Variants in SPAG16 observed in about 807,000 individuals in gnomAD.
SPAG16 encodes sperm associated antigen 16.
In SPAG16, 86 loss-of-function variants were observed where a neutral mutation model predicts 80.4. The ratio of observed to expected loss-of-function variants is 1.07; its 90% confidence interval spans 0.90 to 1.28. SPAG16 has a LOEUF of 1.28. Among genes scored for constraint, SPAG16 ranks in the 50% most tolerant of loss-of-function variants. The probability of loss-of-function intolerance (pLI) is 0.00; values close to 1 mark genes in which losing one functional copy is unlikely to be tolerated. For missense variants in SPAG16, 870 were observed against 765.3 expected (o/e 1.14, Z -1.61); for synonymous variants, 294 against 265.9 (o/e 1.11, Z -1.03).
intron 9 of SPAG16, among the ~76,000 whole-genome samples, chr2:213,407,727 AGAGAGAGAGACAG>A (rs953217049): frequency 1.0e-5 from 1 of 96,162 alleles, no homozygotes; most frequent in Non-Finnish European, 3.0e-5. Flanking sequence ...GAGAGACAGG[AGAGAGAGAGACAG>A]GAGAGAGGCA....
At chr2:213,669,634 C>T (rs1349177868) in intron 10 of SPAG16, among the ~76,000 whole-genome samples, 3 of 151,998 alleles carry the variant, frequency 2.0e-5, no homozygotes, top group African/African-American at 7.2e-5. Context: ...TAAAATAGGA[C>T]AGTATGAATT....
chr2:213,429,776 A>G (rs1487746072), intron 9 of SPAG16, among the ~76,000 whole-genome samples: 3 of 152,222 alleles, frequency 2.0e-5, no homozygotes, highest in Non-Finnish European at 4.4e-5. Context: ...ACACACCTAG[A>G]AGCAAAGCCA....
At chr2:214,371,476 G>A (rs1699808978) in intron 15 of SPAG16, among the ~76,000 whole-genome samples, 2 of 144,086 alleles carry the variant, frequency 1.4e-5, no homozygotes, top group Admixed American at 1.4e-4. Context: ...AGGTTGAGGT[G>A]AGCCAAGATT....
At chr2:213,720,577 G>C (rs1254295574) in intron 10 of SPAG16, among the ~76,000 whole-genome samples, 1 of 151,122 alleles carries the variant, frequency 6.6e-6, no homozygotes, top group Non-Finnish European at 1.5e-5. Context: ...GGCGGAGCTT[G>C]CAGTGAGTGG....
chr2:213,627,544 T>C (rs2062002434), intron 10 of SPAG16, among the ~76,000 whole-genome samples: 1 of 152,158 alleles, frequency 6.6e-6, no homozygotes, highest in African/African-American at 2.4e-5. Flanking sequence ...TTCAAAGCAG[T>C]TTTAGTCCTA....
intron 12 of SPAG16, among the ~76,000 whole-genome samples, chr2:213,931,980 T>G (rs2078767423): frequency 6.6e-6 from 1 of 151,790 alleles, no homozygotes. Flanking sequence ...TTATAATTAC[T>G]CTCAGATCAA....
chr2:213,521,588 A>G (rs2075672196), intron 10 of SPAG16, among the ~76,000 whole-genome samples: 1 of 152,160 alleles, frequency 6.6e-6, no homozygotes, highest in South Asian at 2.1e-4. Context: ...GGTCAGTGTT[A>G]AGCCATGCCT....
At chr2:213,444,267 T>G (rs149065501) in intron 9 of SPAG16, among the ~76,000 whole-genome samples, 5 of 152,202 alleles carry the variant, frequency 3.3e-5, no homozygotes, top group African/African-American at 1.2e-4. Flanking sequence ...CTCTCCTGAT[T>G]ATAAAAAACT....
chr2:214,126,135 G>A (rs140835560), intron 14 of SPAG16, among the ~76,000 whole-genome samples: 2 of 140,418 alleles, frequency 1.4e-5, no homozygotes, highest in Non-Finnish European at 3.0e-5. Flanking sequence ...GTCCCACCTC[G>A]AATCACGTCT....
intron 10 of SPAG16, among the ~76,000 whole-genome samples, chr2:213,800,327 C>CCTCCCCCT (rs1252281331): frequency 1.6e-5 from 2 of 128,616 alleles, no homozygotes; most frequent in African/African-American, 6.0e-5. Context: ...TCCCTCCCTC[C>CCTCCCCCT]CTCCCTCTCT....
chr2:214,250,761 G>T (rs1396506109), intron 15 of SPAG16, among the ~76,000 whole-genome samples: 2,838 of 115,570 alleles, frequency 0.025, 25 homozygotes, highest in East Asian at 0.03. Context: ...TATATATAGA[G>T]AGAGAGAGAG....
intron 10 of SPAG16, among the ~76,000 whole-genome samples, chr2:213,682,515 G>A (rs1193033278): frequency 6.6e-6 from 1 of 152,200 alleles, no homozygotes; most frequent in African/African-American, 2.4e-5. Context: ...GGGGCATCTG[G>A]CCAATTTTGG....
chr2:213,525,485 C>T (rs1187489276), intron 10 of SPAG16, among the ~76,000 whole-genome samples: 1 of 151,738 alleles, frequency 6.6e-6, no homozygotes, highest in Non-Finnish European at 1.5e-5. Context: ...GATGGGGTTT[C>T]ACCATATTAG....
At chr2:213,308,707 A>C (rs2063053544) in intron 3 of SPAG16, among the ~76,000 whole-genome samples, 1 of 152,130 alleles carries the variant, frequency 6.6e-6, no homozygotes, top group African/African-American at 2.4e-5. Context: ...TTGCTTTGAC[A>C]TTCTGCAAGG....
chr2:214,335,427 C>T (rs1428715888), intron 15 of SPAG16, among the ~76,000 whole-genome samples: 1 of 151,550 alleles, frequency 6.6e-6, no homozygotes. Flanking sequence ...ATTGAAACAA[C>T]TATGGGTTGT....
At position 213,924,188 on chromosome 2, in the gene SPAG16, G is replaced by A. The variant is rs147150237; in HGVS notation, c.1215-5772G>A. ...CCTTTATTCAGGTGATGGCACTGGT[G>A]CTGGTCTGCTCTGGGGTTAAAGGCT... On this transcript the variant is annotated intron_variant, in intron 11 of 15. Transcript: ENST00000331683. Among the ~76,000 whole-genome samples the A allele has an allele frequency of 1.5e-3, 236 of 152,302 alleles. 2 individuals are homozygous for A. Among genetic ancestry groups the A allele is most frequent in the Non-Finnish European group, 2.5e-3 (167 of 68,022 alleles).
intron 14 of SPAG16, 63 bp from the exon 15 acceptor site, chr2:214,149,077 G>GTGTATGTATA (rs879196704): frequency 1.2e-5 from 3 of 240,208 alleles, no homozygotes; most frequent in Non-Finnish European, 2.2e-5. Flanking sequence ...GTGTGTGTGT[G>GTGTATGTATA]TATATATATA....
rs1441905015 is a variant in SPAG16 at position 213,284,526 on chromosome 2, C to G, written c.43C>G (p.Leu15Val). The change falls in exon 1 of 16, where the codon CTG becomes GTG. Residue 15 changes from leucine (L) to valine (V), a missense_variant. Transcript: ENST00000331683. ...RGMPSSAVRV[L>V]EEALGMGLTA... Reference sequence around the variant, plus strand: ...GATGCCCAGCTCCGCCGTGAGGGTCCTGGAAGAGGCGTTGGGCATGGGTTT... The same window carrying G: ...GATGCCCAGCTCCGCCGTGAGGGTCGTGGAAGAGGCGTTGGGCATGGGTTT... 6.3e-7 allele frequency: 1 copy of G among 1,595,344 alleles called. No individual in the cohort carries two copies. The highest frequency in any genetic ancestry group is 1.3e-5 in the African/African-American group (1 of 74,684).
At chr2:213,850,425 A>G (rs2662667) in intron 10 of SPAG16, among the ~76,000 whole-genome samples, 147,844 of 152,316 alleles carry the variant, frequency 0.97, 71,911 homozygotes, top group East Asian at 1. Flanking sequence ...CTATGTTTAG[A>G]TTTGATGAAG....
Sources: gnomAD v4.1 joint callset for allele counts (sites outside exome capture counted in the v4.1 genomes callset) on GRCh38, gnomAD v4.1.1 for gene constraint, MANE v1.5 for transcripts, NCBI Gene and HGNC (gene_info 2026-07-23, HGNC 2026-07-21) for gene names.